The following SLC12A7 variants were observed in gnomAD, a reference collection of about 807,000 sequenced individuals.
SLC12A7 encodes the protein K-Cl cotransporter 4.
SLC12A7 carries 100 observed loss-of-function variants against 120.6 expected under a neutral mutation model. The observed-to-expected ratio is 0.83, with a 90% CI of 0.71 to 0.98. The LOEUF (loss-of-function observed/expected upper bound fraction) is 0.98. Among genes scored for constraint, SLC12A7 ranks in the 50% least tolerant of loss-of-function variants. The pLI is 0.00. For missense variants in SLC12A7, 1,373 were observed against 1,548.1 expected (o/e 0.89, Z 1.90); for synonymous variants, 760 against 678.0 (o/e 1.12, Z -1.88).
At chr5:1,149,664 A>AT in the SLC12A7 span, among the ~76,000 whole-genome samples, 1 of 152,216 alleles carries the variant, frequency 6.6e-6, no homozygotes. Context: ...GTTGATTTGC[A>AT]TTTCTCTAGT....
chr5:1,117,326 G>A, the SLC12A7 span, among the ~76,000 whole-genome samples: 1 of 152,298 alleles, frequency 6.6e-6, no homozygotes, highest in African/African-American at 2.4e-5. This position sits in a 1 kb window ranked among gnomAD's most constrained non-coding sequence, Gnocchi z 4.5. Context: ...TTGGTGGAAG[G>A]GTTCCGACCT....
At chr5:1,104,041 G>T (rs1413814539) in intron 1 of SLC12A7, among the ~76,000 whole-genome samples, 1 of 152,196 alleles carries the variant, frequency 6.6e-6, no homozygotes, top group African/African-American at 2.4e-5. Context: ...GGCGGCTCCT[G>T]TTACAGGCTG....
intron 20 of SLC12A7, among the ~76,000 whole-genome samples, chr5:1,061,924 CTCTG>C (rs1171041590): frequency 6.6e-6 from 1 of 152,172 alleles, no homozygotes; most frequent in Non-Finnish European, 1.5e-5. Flanking sequence ...CAGAGCGAGA[CTCTG>C]TCTCAAAACT....
chr5:1,102,622 C>T (rs1388155362), intron 1 of SLC12A7, among the ~76,000 whole-genome samples: 2 of 152,206 alleles, frequency 1.3e-5, no homozygotes, highest in Admixed American at 1.3e-4. Context: ...AGAGCAGTGG[C>T]GGGTGGCACC....
At chr5:1,084,294 A>G (rs1256984363) in intron 7 of SLC12A7, among the ~76,000 whole-genome samples, 1 of 152,180 alleles carries the variant, frequency 6.6e-6, no homozygotes, top group Non-Finnish European at 1.5e-5. Flanking sequence ...AGCGTTCTAG[A>G]CGTAAACAAT....
intron 1 of SLC12A7, among the ~76,000 whole-genome samples, chr5:1,096,854 GAGGGAGGGATGA>G (rs1164918259): frequency 8.9e-6 from 1 of 111,960 alleles, no homozygotes; most frequent in Admixed American, 9.1e-5. Context: ...GGGAAGGAGG[GAGGGAGGGATGA>G]AGGGAGGGAG....
chr5:1,073,834 C>A, intron 16 of SLC12A7, 33 bp from the exon 17 acceptor site: 1 of 1,379,888 alleles, frequency 7.2e-7, no homozygotes, highest in Non-Finnish European at 9.4e-7. Flanking sequence ...GTTACCACGG[C>A]AACGCTTACC....
At chr5:1,154,706 G>A in the SLC12A7 span, among the ~76,000 whole-genome samples, 2 of 152,204 alleles carry the variant, frequency 1.3e-5, no homozygotes, top group Non-Finnish European at 2.9e-5. Context: ...ATGAACAGGC[G>A]AAACGGACAC....
chr5:1,099,313 A>G lies in SLC12A7; in HGVS notation c.125-5065T>C, dbSNP rs1350698810. On this transcript the variant is annotated intron_variant, in intron 1 of 23. Transcript: ENST00000264930. ...GTCCACCTCCTCCGGTGGACGGCAG[A>G]ACCCAACCCGGTCCACCTCCTCTGG... Among the ~76,000 whole-genome samples, 128 of 91,842 alleles carry G rather than the reference A, an allele frequency of 1.4e-3. 1 individual carries two copies. The highest frequency in any genetic ancestry group is 3.0e-3 in the African/African-American group (98 of 32,698). The allele number at this position is 91,842 out of a possible 152,430, so 60.3% of individuals were successfully genotyped here.
At chr5:1,146,758 C>G in the SLC12A7 span, among the ~76,000 whole-genome samples, 2 of 152,316 alleles carry the variant, frequency 1.3e-5, no homozygotes, top group Admixed American at 6.5e-5. This position sits in a 1 kb window ranked among gnomAD's most constrained non-coding sequence, Gnocchi z 6.5. Flanking sequence ...CAGCCCCTTA[C>G]CCTAACCCAG....
In SLC12A7 at chr5:1,051,244, C is replaced by T. The variant is rs1032062770; in HGVS notation, c.*1116G>A. ...AGGCCATGGCAGGGGACGCCCGGGA[C>T]TCAGCCAGACAGACCTGACACCAGG... On this transcript the variant is annotated 3_prime_UTR_variant, in exon 24 of 24. Coordinates refer to ENST00000264930, the MANE Select transcript of SLC12A7 (RefSeq NM_006598.3). 4.4e-5 allele frequency: 12 copies of T among 273,268 alleles called. No homozygotes were observed. Among genetic ancestry groups the T allele is most frequent in the African/African-American group, 2.4e-4 (11 of 45,730 alleles). 16.9% of individuals were successfully genotyped at this position (273,268 alleles called of 1,614,324 possible).
At chr5:1,110,841 C>A (rs1742942540) in intron 1 of SLC12A7, among the ~76,000 whole-genome samples, 1 of 152,208 alleles carries the variant, frequency 6.6e-6, no homozygotes, top group Non-Finnish European at 1.5e-5. Flanking sequence ...GATGACGCAC[C>A]CCAGGCCACC....
chr5:1,106,399 G>A (rs1742530560), intron 1 of SLC12A7, among the ~76,000 whole-genome samples: 1 of 148,940 alleles, frequency 6.7e-6, no homozygotes, highest in Non-Finnish European at 1.5e-5. Flanking sequence ...GTTGCAGTGA[G>A]CTGAGTCTGT....
At chr5:1,143,827 GCTGGGCACCCTGGCCTC>G in the SLC12A7 span, among the ~76,000 whole-genome samples, 2 of 152,124 alleles carry the variant, frequency 1.3e-5, no homozygotes, top group Non-Finnish European at 2.9e-5. Flanking sequence ...CGGGCAGAGT[GCTGGGCACCCTGGCCTC>G]CTGGGCACCC....
At chr5:1,148,441 G>C in the SLC12A7 span, among the ~76,000 whole-genome samples, 1 of 152,102 alleles carries the variant, frequency 6.6e-6, no homozygotes, top group African/African-American at 2.4e-5. Flanking sequence ...TCCTGACCTT[G>C]TGATCCACCT....
chr5:1,094,070 G>A, intron 2 of SLC12A7, 84 bp downstream of exon 2: 1 of 1,073,076 alleles, frequency 9.3e-7, no homozygotes, highest in Non-Finnish European at 1.4e-6. Flanking sequence ...GGAGGCCCCG[G>A]CCTGGGGGCC....
At chr5:1,135,627 G>C in the SLC12A7 span, among the ~76,000 whole-genome samples, 2 of 152,232 alleles carry the variant, frequency 1.3e-5, no homozygotes, top group African/African-American at 4.8e-5. Flanking sequence ...TGCCATTTCT[G>C]TAAGTGTGAA....
At chr5:1,139,751 G>A in the SLC12A7 span, among the ~76,000 whole-genome samples, 8 of 152,146 alleles carry the variant, frequency 5.3e-5, no homozygotes, top group Admixed American at 2.0e-4. Context: ...GGCAGGCCCC[G>A]TGTCTTTGGG....
chr5:1,130,738 G>A, the SLC12A7 span, among the ~76,000 whole-genome samples: 1 of 152,220 alleles, frequency 6.6e-6, no homozygotes, highest in Admixed American at 6.5e-5. Flanking sequence ...GGTGCACAGA[G>A]CTCCTGCCAG....
Sources: gnomAD v4.1 joint callset for allele counts (sites outside exome capture counted in the v4.1 genomes callset) on GRCh38, gnomAD v4.1.1 for gene constraint, Gnocchi (gnomAD v3.1) non-coding constraint, MANE v1.5 for transcripts, NCBI Gene and HGNC (gene_info 2026-07-23, HGNC 2026-07-21) for gene names.